The following CUX1 variants were observed in gnomAD, a reference collection of about 807,000 sequenced individuals.
The protein encoded by CUX1 is cut like homeobox 1.
A neutral mutation model predicts 158.8 loss-of-function variants in CUX1; 31 were observed. That is an observed-to-expected ratio of 0.20 (90% confidence interval 0.15 to 0.26). CUX1 has a LOEUF of 0.26. CUX1 is among the 10% of genes least tolerant of loss of function. CUX1 has a pLI of 1.00. For missense variants in CUX1, 1,589 were observed against 2,014.6 expected, an observed-to-expected ratio of 0.79 and a Z score of 4.04; for synonymous variants, 879 against 862.1, an observed-to-expected ratio of 1.02 and a Z score of -0.34.
At position 102,141,785 on chromosome 7, in the gene CUX1, G is replaced by A. The variant is rs1011538494; in HGVS notation, c.675-16775G>A. On this transcript the variant is annotated intron_variant, in intron 8 of 23. Coordinates refer to ENST00000292535, the MANE Select transcript of CUX1 (RefSeq NM_181552.4). ...TTACAGGTGCACACCACCACTCTCA[G>A]CTAATTTTTTTTTTTTTTTTTTTTT... 2.2e-5 allele frequency among the ~76,000 whole-genome samples: 3 copies of A among 134,900 alleles called. No homozygotes were observed. The Admixed American group carries it at 2.4e-4, about 11-fold the overall frequency. The allele number at this position is 134,900 out of a possible 152,430, so 88.5% of individuals were successfully genotyped here.
chr7:101,835,281 C>T (rs538207026), intron 1 of CUX1, among the ~76,000 whole-genome samples: 10 of 152,180 alleles, frequency 6.6e-5, no homozygotes, highest in Non-Finnish European at 1.0e-4. Flanking sequence ...TCACGTAGCA[C>T]AGTGTTTGCG....
intron 8 of CUX1, among the ~76,000 whole-genome samples, chr7:102,148,735 C>A (rs1240333186): frequency 6.7e-6 from 1 of 148,494 alleles, no homozygotes; most frequent in African/African-American, 2.5e-5. Context: ...ATATATTACT[C>A]AAGAACATGA....
At chr7:101,893,693 C>A (rs1004985684) in intron 1 of CUX1, among the ~76,000 whole-genome samples, 10 of 152,148 alleles carry the variant, frequency 6.6e-5, no homozygotes, top group Admixed American at 1.3e-4. Flanking sequence ...TGCTTCTTCC[C>A]CACATTTATT....
At chr7:101,966,025 T>C (rs1478558115) in intron 2 of CUX1, among the ~76,000 whole-genome samples, 2 of 152,120 alleles carry the variant, frequency 1.3e-5, no homozygotes, top group East Asian at 1.9e-4. Context: ...TTTTATGATA[T>C]TGAGGCGTTA....
intron 22 of CUX1, 67 bp from the exon 23 acceptor site, chr7:102,239,253 G>C: frequency 6.6e-7 from 1 of 1,526,228 alleles, no homozygotes; most frequent in South Asian, 1.3e-5. Flanking sequence ...TCCCGCTAGC[G>C]GGACTGGGGA....
At chr7:102,051,222 C>T (rs923701421) in intron 3 of CUX1, among the ~76,000 whole-genome samples, 5 of 152,100 alleles carry the variant, frequency 3.3e-5, no homozygotes, top group Non-Finnish European at 5.9e-5. Flanking sequence ...GAATAGCCCT[C>T]CTCTCCCCAC....
chr7:102,245,493 C>T (rs547012048), intron 23 of CUX1, among the ~76,000 whole-genome samples: 1 of 152,288 alleles, frequency 6.6e-6, no homozygotes, highest in African/African-American at 2.4e-5. Context: ...TAACGGTGTC[C>T]GCTCCCCACC....
At chr7:102,260,114 AAGGAACACTT>A (rs1790281014), downstream of CUX1, among the ~76,000 whole-genome samples, 1 of 150,874 alleles carries the variant, frequency 6.6e-6, no homozygotes, top group South Asian at 2.1e-4. Context: ...AAAAAAAAAA[AAGGAACACTT>A]AGCTCAAAGT....
At chr7:101,843,090 T>A (rs1461920203) in intron 1 of CUX1, among the ~76,000 whole-genome samples, 1 of 151,830 alleles carries the variant, frequency 6.6e-6, no homozygotes, top group Non-Finnish European at 1.5e-5. Flanking sequence ...ATGGTCTCGA[T>A]CTCCTGACCT....
At chr7:101,821,905 A>T (rs1450858957) in intron 1 of CUX1, among the ~76,000 whole-genome samples, 3 of 137,630 alleles carry the variant, frequency 2.2e-5, no homozygotes, top group Non-Finnish European at 4.6e-5. Context: ...CCCAGGCTGG[A>T]GTGCAGTGGC....
chr7:102,216,635 A>G (rs868968632), intron 20 of CUX1, among the ~76,000 whole-genome samples: 1 of 58,858 alleles, frequency 1.7e-5, no homozygotes, highest in Non-Finnish European at 3.6e-5. Flanking sequence ...ACACACCCCC[A>G]CACACGCACA....
intron 1 of CUX1, among the ~76,000 whole-genome samples, chr7:101,897,271 C>T (rs1347588657): frequency 2.0e-5 from 3 of 152,160 alleles, no homozygotes; most frequent in Non-Finnish European, 4.4e-5. Context: ...GGCTCAGCCA[C>T]CCCTGGGTGT....
chr7:102,277,938 TCCCC>T, intron 17 of CUX1: 1 of 410,326 alleles, frequency 2.4e-6, no homozygotes, highest in Non-Finnish European at 3.7e-6. Context: ...TCCTTGCCCC[TCCCC>T]CCCCAGGAGA....
At chr7:102,040,181 C>T (rs967467962) in intron 3 of CUX1, among the ~76,000 whole-genome samples, 3 of 152,238 alleles carry the variant, frequency 2.0e-5, no homozygotes, top group Non-Finnish European at 2.9e-5. Flanking sequence ...TGTTAGATGG[C>T]GCCAGGCACT....
At chr7:102,240,737 A>T (rs965525293) in intron 23 of CUX1, among the ~76,000 whole-genome samples, 14 of 152,286 alleles carry the variant, frequency 9.2e-5, no homozygotes, top group Non-Finnish European at 1.6e-4. Context: ...TCAGATTCTG[A>T]GCTAAGTATT....
At chr7:101,962,545 T>C (rs1810644872) in intron 2 of CUX1, among the ~76,000 whole-genome samples, 1 of 152,186 alleles carries the variant, frequency 6.6e-6, no homozygotes, top group East Asian at 1.9e-4. Context: ...TTCTGGTTTG[T>C]AGGCAGATAT....
intron 1 of CUX1, among the ~76,000 whole-genome samples, chr7:101,833,917 T>C (rs533141234): frequency 2.0e-5 from 3 of 152,158 alleles, no homozygotes; most frequent in Non-Finnish European, 4.4e-5. Flanking sequence ...GTGCAGAGTC[T>C]GTCCTAGAAT....
chr7:102,245,537 C>T (rs1446734133), intron 23 of CUX1, among the ~76,000 whole-genome samples: 7 of 152,170 alleles, frequency 4.6e-5, no homozygotes, highest in African/African-American at 9.7e-5. Flanking sequence ...ACACAAACAG[C>T]GGCTGGATAG....
At position 102,251,913 on chromosome 7, in the gene CUX1, A is replaced by G. The variant is rs925970028; in HGVS notation, c.*2871A>G. 1.0e-6 allele frequency: 1 copy of G among 985,320 alleles called. No homozygotes were observed. Among genetic ancestry groups the G allele is most frequent in the Non-Finnish European group, 1.2e-6 (1 of 829,934 alleles). The allele number at this position is 985,320 out of a possible 1,614,324, so 61.0% of individuals were successfully genotyped here. A position where few individuals can be genotyped will look rare whatever the true frequency, so the allele number is the denominator to read the frequency against. On this transcript the variant is annotated 3_prime_UTR_variant, in exon 24 of 24. Transcript: ENST00000292535. ...TGTCCATTCTAGTGGCCAAACAGTA[A>G]CAGTCTAAAATGCAGTCATTTTGAC...
Sources: gnomAD v4.1 joint callset for allele counts (sites outside exome capture counted in the v4.1 genomes callset) on GRCh38, gnomAD v4.1.1 for gene constraint, MANE v1.5 for transcripts, NCBI Gene and HGNC (gene_info 2026-07-23, HGNC 2026-07-21) for gene names.